HIVEP1: variants seen among roughly 807,000 people sequenced by gnomAD.
The protein encoded by HIVEP1 is HIVEP zinc finger 1, also known as zinc finger protein 40.
Under a neutral mutation model 180.0 loss-of-function variants are expected in HIVEP1, and 36 were observed. The observed-to-expected ratio is 0.20, with a 90% confidence interval of 0.15 to 0.26. The LOEUF (loss-of-function observed/expected upper bound fraction) is 0.26. Among genes scored for constraint, HIVEP1 ranks in the 10% least tolerant of loss-of-function variants. The probability of loss-of-function intolerance (pLI) is 1.00; values close to 1 mark genes in which losing one functional copy is unlikely to be tolerated. For synonymous variants in HIVEP1, 1,239 were observed against 1,239.0 expected (o/e 1.00, Z 0.00); for missense variants, 3,143 against 3,268.7 (o/e 0.96, Z 0.94).
intron 2 of HIVEP1, among the ~76,000 whole-genome samples, chr6:12,022,459 C>T (rs1435988374): frequency 1.3e-5 from 2 of 152,168 alleles, no homozygotes; most frequent in East Asian, 3.8e-4. Context: ...CATGAGCCAC[C>T]GTGCCTGGCC....
In HIVEP1 at chr6:12,120,239, C is replaced by T. The variant is rs763642376; in HGVS notation, c.444C>T (p.Ser148=). The change falls in exon 4 of 9, where the codon TCC becomes TCT. Residue 148 remains serine, a synonymous_variant. Transcript: ENST00000379388. ...CATCTGAACTGCGTAGATGGAGATC[C>T]GAAGGCGCTGATCCTGCCAAATTCA... ...QQPSELRRWR[S]EGADPAKFSD... 1.6e-5 allele frequency: 26 copies of T among 1,614,004 alleles called. No homozygotes were observed. The highest frequency in any genetic ancestry group is 1.9e-5 in the Non-Finnish European group (23 of 1,180,004).
Position 12,124,403 on chromosome 6 carries a change from G to A in HIVEP1, c.4608G>A (p.Gln1536=). 6.2e-7 allele frequency: 1 copy of A among 1,614,104 alleles called. No individual in the cohort carries two copies. The highest frequency in any genetic ancestry group is 8.5e-7 in the Non-Finnish European group (1 of 1,180,016). The part of the protein sequence containing the change: ...STQLSLQVST[Q]GSKPDKNSVL... Reference sequence around the variant, plus strand: ...AGCTATCTCTGCAAGTGTCTACGCAGGGTAGCAAGCCAGATAAAAATTCTG... The same window carrying A: ...AGCTATCTCTGCAAGTGTCTACGCAAGGTAGCAAGCCAGATAAAAATTCTG... The change falls in exon 4 of 9, where the codon CAG becomes CAA. Residue 1536 remains glutamine (Q), a synonymous_variant. Coordinates refer to ENST00000379388, the MANE Select transcript of HIVEP1 (RefSeq NM_002114.4).
chr6:12,205,511 T>A, the HIVEP1 span, among the ~76,000 whole-genome samples: 1 of 151,922 alleles, frequency 6.6e-6, no homozygotes, highest in Non-Finnish European at 1.5e-5. Flanking sequence ...TGGGGCATGA[T>A]CTACTGCACG....
In HIVEP1 at chr6:12,161,506, GGATGACAAT is replaced by G. The variant is rs759768402; in HGVS notation, c.6558_6566del (p.Asp2186_Asn2188del). On this transcript the variant is annotated inframe_deletion, in exon 8 of 9. Coordinates refer to ENST00000379388, the MANE Select transcript of HIVEP1 (RefSeq NM_002114.4). ...TTGAAGAATCTGATGGCCCAGATGA[GGATGACAAT>G]GAAAATGAAGACGATGATGAGGACA... 3.7e-6 allele frequency: 6 copies of G among 1,613,890 alleles called. No individual in the cohort carries two copies. The highest frequency in any genetic ancestry group is 3.3e-5 in the Admixed American group (2 of 60,008).
downstream of HIVEP1, among the ~76,000 whole-genome samples, chr6:12,166,380 T>C (rs1350153572): frequency 1.3e-5 from 2 of 152,178 alleles, no homozygotes; most frequent in Non-Finnish European, 2.9e-5. Context: ...ACGATGTGAG[T>C]GGATGTTCCC....
At chr6:12,097,757 G>C (rs984561126) in intron 3 of HIVEP1, among the ~76,000 whole-genome samples, 1 of 152,054 alleles carries the variant, frequency 6.6e-6, no homozygotes, top group South Asian at 2.1e-4. Flanking sequence ...TAGACTGCCA[G>C]CTTTATGAAA....
In HIVEP1 at chr6:12,129,243, A is replaced by G. The variant is rs1301716327; in HGVS notation, c.6076-516A>G. Among the ~76,000 whole-genome samples, 4 of 152,034 alleles carry G rather than the reference A, an allele frequency of 2.6e-5. No homozygotes were observed. In the East Asian group the frequency reaches 7.7e-4, roughly 29 times the overall value. ...TATGATTTAAAATAATGGAGGAAGA[A>G]AAAGTAAAATATTGGGAAATGGGGC... On this transcript the variant is annotated intron_variant, in intron 4 of 8. Coordinates refer to ENST00000379388, the MANE Select transcript of HIVEP1 (RefSeq NM_002114.4).
At chr6:12,143,657 C>T (rs1472334570) in intron 7 of HIVEP1, among the ~76,000 whole-genome samples, 2 of 152,216 alleles carry the variant, frequency 1.3e-5, no homozygotes, top group African/African-American at 4.8e-5. Flanking sequence ...AGCCCAAAAT[C>T]TCCTTAAGCT....
At chr6:12,186,019 C>T in the HIVEP1 span, among the ~76,000 whole-genome samples, 1 of 151,824 alleles carries the variant, frequency 6.6e-6, no homozygotes, top group African/African-American at 2.4e-5. Context: ...TTTATAATAG[C>T]CAAAAGCAAG....
chr6:12,067,515 A>G (rs1267921890), intron 2 of HIVEP1, among the ~76,000 whole-genome samples: 1 of 152,006 alleles, frequency 6.6e-6, no homozygotes, highest in Non-Finnish European at 1.5e-5. Flanking sequence ...TTTTTAAGGT[A>G]TATTTTTCTT....
At chr6:12,114,744 T>G (rs1775113458) in intron 3 of HIVEP1, among the ~76,000 whole-genome samples, 1 of 152,262 alleles carries the variant, frequency 6.6e-6, no homozygotes, top group Non-Finnish European at 1.5e-5. Flanking sequence ...AACCATTTCC[T>G]ATTGAAAATT....
upstream of HIVEP1, among the ~76,000 whole-genome samples, chr6:12,009,120 T>TGGCGGCGGCGGCGGCGGCGGCGGCGGC (rs950139776): frequency 5.5e-4 from 81 of 146,056 alleles, no homozygotes; most frequent in East Asian, 5.9e-3. Context: ...CGCGTGGCGG[T>TGGCGGCGGCGGCGGCGGCGGCGGCGGC]GGCGGCGGCG....
Position 12,054,302 on chromosome 6 carries a change from T to C in HIVEP1, c.41-34882T>C, listed in dbSNP as rs373881580. Among the ~76,000 whole-genome samples, 17 of 152,320 alleles carry C rather than the reference T, an allele frequency of 1.1e-4. 1 individual carries two copies. Among genetic ancestry groups the C allele is most frequent in the African/African-American group, 4.1e-4 (17 of 41,578 alleles). On this transcript the variant is annotated intron_variant, in intron 2 of 8. Transcript: ENST00000379388. ...TATATTTACAAGAAAACATACACTA[T>C]ATGTTTGTTTCAGAAAATTTGGAAG...
At chr6:12,041,314 T>C (rs928885211) in intron 2 of HIVEP1, among the ~76,000 whole-genome samples, 6 of 148,210 alleles carry the variant, frequency 4.0e-5, no homozygotes, top group East Asian at 2.1e-4. Flanking sequence ...CCCAGTTACT[T>C]GGGAGGCTGA....
intron 7 of HIVEP1, among the ~76,000 whole-genome samples, chr6:12,156,567 C>T (rs1479566592): frequency 3.9e-5 from 6 of 152,120 alleles, no homozygotes; most frequent in African/African-American, 1.4e-4. Flanking sequence ...TCTGAGTTCT[C>T]TATTTTGTTC....
At chr6:12,057,848 G>A (rs1407574290) in intron 2 of HIVEP1, among the ~76,000 whole-genome samples, 1 of 152,196 alleles carries the variant, frequency 6.6e-6, no homozygotes, top group Non-Finnish European at 1.5e-5. Flanking sequence ...TAGTAATACA[G>A]TAACTGTAAA....
chr6:12,139,730 A>T (rs991076106), intron 7 of HIVEP1, among the ~76,000 whole-genome samples: 4 of 152,224 alleles, frequency 2.6e-5, no homozygotes, highest in African/African-American at 9.6e-5. Context: ...AGCCTTGCTC[A>T]CTGCTAGCAC....
the HIVEP1 span, among the ~76,000 whole-genome samples, chr6:12,176,656 A>G: frequency 2.0e-5 from 3 of 152,188 alleles, no homozygotes; most frequent in Non-Finnish European, 4.4e-5. Context: ...AATACTCTCC[A>G]TCCTTTAAAA....
intron 4 of HIVEP1, among the ~76,000 whole-genome samples, chr6:12,129,259 G>C (rs1347705820): frequency 6.6e-6 from 1 of 152,150 alleles, no homozygotes; most frequent in African/African-American, 2.4e-5. Context: ...AAAATATTGG[G>C]AAATGGGGCT....
Sources: gnomAD v4.1 joint callset for allele counts (sites outside exome capture counted in the v4.1 genomes callset) on GRCh38, gnomAD v4.1.1 for gene constraint, MANE v1.5 for transcripts, NCBI Gene and HGNC (gene_info 2026-07-23, HGNC 2026-07-21) for gene names.